Variants in C10orf90 observed in about 807,000 individuals in gnomAD.
C10orf90 encodes (E2-independent) E3 ubiquitin-conjugating enzyme FATS.
C10orf90 carries 56 observed loss-of-function variants against 62.5 expected under a neutral mutation model. The observed-to-expected ratio is 0.90, with a 90% confidence interval of 0.72 to 1.12. The LOEUF is 1.12. Among genes scored for constraint, C10orf90 ranks in the 50% most tolerant of loss-of-function variants. The pLI, the probability that C10orf90 is intolerant of heterozygous loss-of-function variation, is 0.00. For synonymous variants in C10orf90, 386 were observed against 340.4 expected (o/e 1.13, Z -1.47); for missense variants, 970 against 880.4 (o/e 1.10, Z -1.29).
At chr10:126,485,158 G>A (rs1564824640) in intron 4 of C10orf90, among the ~76,000 whole-genome samples, 1 of 152,188 alleles carries the variant, frequency 6.6e-6, no homozygotes, top group Non-Finnish European at 1.5e-5. Flanking sequence ...TTTATAAGCA[G>A]CAGCCAGTGA....
At chr10:126,464,495 C>A (rs531436412) in intron 5 of C10orf90, among the ~76,000 whole-genome samples, 1 of 152,144 alleles carries the variant, frequency 6.6e-6, no homozygotes, top group Non-Finnish European at 1.5e-5. Flanking sequence ...TGAAAATCCC[C>A]GACCCACATA....
intron 2 of C10orf90, among the ~76,000 whole-genome samples, chr10:126,611,081 C>T (rs1018869270): frequency 6.6e-6 from 1 of 152,096 alleles, no homozygotes; most frequent in African/African-American, 2.4e-5. Flanking sequence ...TCACTACTAC[C>T]TAGTTTTAGA....
intron 4 of C10orf90, among the ~76,000 whole-genome samples, chr10:126,481,495 C>A (rs1004642763): frequency 4.6e-5 from 7 of 152,210 alleles, no homozygotes; most frequent in African/African-American, 1.7e-4. Context: ...TTTCATTCAG[C>A]CAAAAGAAAA....
At chr10:126,500,905 CTGTT>C (rs1346085966) in intron 4 of C10orf90, among the ~76,000 whole-genome samples, 1 of 152,282 alleles carries the variant, frequency 6.6e-6, no homozygotes, top group African/African-American at 2.4e-5. Context: ...TGCTTTGCCT[CTGTT>C]TGTAGAATTG....
intron 4 of C10orf90, among the ~76,000 whole-genome samples, chr10:126,487,434 T>G (rs187091012): frequency 1.3e-5 from 2 of 152,192 alleles, no homozygotes; most frequent in Admixed American, 1.3e-4. Context: ...GGTATAATAG[T>G]TAGACATATA....
intron 2 of C10orf90, among the ~76,000 whole-genome samples, chr10:126,605,212 C>A (rs1328067234): frequency 6.6e-6 from 1 of 152,154 alleles, no homozygotes. Flanking sequence ...ATATGAATGA[C>A]CGTAAATGCC....
intron 4 of C10orf90, among the ~76,000 whole-genome samples, chr10:126,503,584 G>A (rs1216472292): frequency 1.3e-5 from 2 of 152,120 alleles, no homozygotes; most frequent in East Asian, 3.9e-4. Context: ...GATGTTTGGC[G>A]AGAGAGATGA....
rs923648031 is a variant in C10orf90 at position 126,425,038 on chromosome 10, T to G, written c.*826A>C. 6.6e-6 allele frequency: 1 copy of G among 152,246 alleles called. No individual in the cohort carries two copies. Among genetic ancestry groups the G allele is most frequent in the African/African-American group, 2.4e-5 (1 of 41,460 alleles). 9.4% of individuals were successfully genotyped at this position (152,246 alleles called of 1,614,324 possible). On this transcript the variant is annotated 3_prime_UTR_variant, in exon 10 of 10. Coordinates refer to ENST00000488181, the MANE Select transcript of C10orf90 (RefSeq NM_001350921.2). ...ATTGCATTTATTTCCATTTGTGTTG[T>G]AAAAACTAGCTTGTTCTTAGCTTCC...
rs938612166 is a variant in C10orf90, at chr10:126,456,710, G to C, written c.2188+2330C>G. ...TGAGGTTAGCCCTAATCCAATGACTGCTGTCTTTATGAGAAAAGGAAATTT... is the reference window on the plus strand; with the variant it reads ...TGAGGTTAGCCCTAATCCAATGACTCCTGTCTTTATGAGAAAAGGAAATTT... On this transcript the variant is annotated intron_variant, in intron 7 of 9. Coordinates refer to ENST00000488181, the MANE Select transcript of C10orf90 (RefSeq NM_001350921.2). This position sits in a 1 kb window ranked among gnomAD's most constrained non-coding sequence, Gnocchi z 4.9. Among the ~76,000 whole-genome samples the C allele has an allele frequency of 2.0e-4, 31 of 152,144 alleles. 1 individual carries two copies. Among genetic ancestry groups the C allele is most frequent in the Non-Finnish European group, 2.9e-5 (2 of 68,030 alleles).
At chr10:126,631,886 G>A (rs1366049464) in intron 2 of C10orf90, among the ~76,000 whole-genome samples, 6 of 151,944 alleles carry the variant, frequency 3.9e-5, no homozygotes, top group South Asian at 2.1e-4. Flanking sequence ...ACTAGGTCAC[G>A]GTAGGAGTGC....
At position 126,630,942 on chromosome 10, in the gene C10orf90, C is replaced by T. The variant is rs79218885; in HGVS notation, c.313+15623G>A. On this transcript the variant is annotated intron_variant, in intron 2 of 9. Transcript: ENST00000488181. ...GATGTGTTTCCAGCGTTCACTCCTG[C>T]CCTCCTTCATTCATACCGTCAAGGG... is the stretch of plus-strand genomic sequence containing the variant. Among the ~76,000 whole-genome samples, 49 of 152,270 alleles carry T rather than the reference C, an allele frequency of 3.2e-4. 2 individuals are homozygous for T. The East Asian group carries it at 9.5e-3, about 29-fold the overall frequency.
chr10:126,628,003 G>A (rs1271269850), intron 2 of C10orf90, among the ~76,000 whole-genome samples: 1 of 152,214 alleles, frequency 6.6e-6, no homozygotes, highest in Non-Finnish European at 1.5e-5. Flanking sequence ...TCTCGAAAGA[G>A]CAAGTGTCTC....
At chr10:126,623,173 T>C (rs1845679369) in intron 2 of C10orf90, among the ~76,000 whole-genome samples, 1 of 152,112 alleles carries the variant, frequency 6.6e-6, no homozygotes, top group African/African-American at 2.4e-5. Flanking sequence ...AGCAAGGCTT[T>C]CCCTGCTCAA....
rs532815019 is a variant in C10orf90 at position 126,463,769 on chromosome 10, C to T, written c.1825+927G>A. 1.5e-4 allele frequency among the ~76,000 whole-genome samples: 23 copies of T among 152,370 alleles called. No individual in the cohort carries two copies. In the South Asian group the frequency reaches 2.7e-3, roughly 18 times the overall value. ...TCCTCTGAGTGTCAGGGGCCGTCCT[C>T]GGCTTCCCCATGGCCCACCACACAG... On this transcript the variant is annotated intron_variant, in intron 5 of 9. Coordinates refer to ENST00000488181, the MANE Select transcript of C10orf90 (RefSeq NM_001350921.2).
chr10:126,616,891 C>A (rs1845551977), intron 2 of C10orf90, among the ~76,000 whole-genome samples: 1 of 152,146 alleles, frequency 6.6e-6, no homozygotes, highest in Admixed American at 6.6e-5. Flanking sequence ...CAAAGTAGGT[C>A]CGCAACATTG....
chr10:126,627,731 A>G (rs991444708), intron 2 of C10orf90, among the ~76,000 whole-genome samples: 1 of 152,032 alleles, frequency 6.6e-6, no homozygotes, highest in African/African-American at 2.4e-5. Flanking sequence ...AGAAAACCCA[A>G]CTCCTAGGTA....
chr10:126,469,677 G>A, intron 4 of C10orf90: 1 of 352,016 alleles, frequency 2.8e-6, no homozygotes. Flanking sequence ...GCCCCAGACT[G>A]CCTTCTGCCC....
intron 2 of C10orf90, among the ~76,000 whole-genome samples, chr10:126,624,029 T>C (rs1391750917): frequency 6.6e-6 from 1 of 152,080 alleles, no homozygotes; most frequent in Non-Finnish European, 1.5e-5. Flanking sequence ...GGAACTTTGC[T>C]GGTCAACTCA....
intron 2 of C10orf90, among the ~76,000 whole-genome samples, chr10:126,533,516 C>A (rs542419295): frequency 6.6e-6 from 1 of 152,286 alleles, no homozygotes; most frequent in South Asian, 2.1e-4. Flanking sequence ...CAAAACAAAC[C>A]AGTCCTGTTT....
Sources: allele counts gnomAD v4.1 joint callset (sites outside exome capture counted in the v4.1 genomes callset), GRCh38; gene constraint gnomAD v4.1.1; non-coding constraint Gnocchi (gnomAD v3.1); transcripts MANE v1.5; gene names NCBI Gene and HGNC (gene_info 2026-07-23, HGNC 2026-07-21).